The following CBFA2T3 variants were observed in gnomAD, a reference collection of about 807,000 sequenced individuals.
CBFA2T3 encodes CBFA2/RUNX1 partner transcriptional co-repressor 3.
A neutral mutation model predicts 58.6 loss-of-function variants in CBFA2T3; 31 were observed. That is an observed-to-expected ratio of 0.53 (90% CI 0.40 to 0.71). CBFA2T3 has a LOEUF of 0.71. CBFA2T3 is among the 30% of genes least tolerant of loss of function. The probability of loss-of-function intolerance (pLI) is 0.00; values close to 1 mark genes in which losing one functional copy is unlikely to be tolerated. For missense variants in CBFA2T3, 1,076 were observed against 963.1 expected (o/e 1.12, Z -1.55); for synonymous variants, 531 against 421.9 (o/e 1.26, Z -3.17).
At chr16:88,906,975 C>G (rs1970360406) in intron 1 of CBFA2T3, among the ~76,000 whole-genome samples, 1 of 150,146 alleles carries the variant, frequency 6.7e-6, no homozygotes, top group Non-Finnish European at 1.5e-5. Flanking sequence ...GGGTGGGTGG[C>G]CCGTCACCAT....
chr16:88,899,858 TGCAAATTTAACACA>T (rs1346916667), intron 2 of CBFA2T3, among the ~76,000 whole-genome samples: 9 of 152,096 alleles, frequency 5.9e-5, no homozygotes, highest in Admixed American at 4.6e-4. Context: ...TGGGGTATAC[TGCAAATTTAACACA>T]GCAGCGGTCT....
chr16:88,963,448 C>T (rs551595549), intron 1 of CBFA2T3, among the ~76,000 whole-genome samples: 1 of 151,856 alleles, frequency 6.6e-6, no homozygotes, highest in African/African-American at 2.4e-5. Context: ...GTATTTAGTA[C>T]ACTGACAACG....
At position 88,874,957 on chromosome 16, in the gene CBFA2T3, C is replaced by A. The variant is rs1231878668; in HGVS notation, c.*2019G>T. ...CTATATACATTCACATTAACGTACA[C>A]GCTCAGCTTCAGGCCTCTGGCGGGC... On this transcript the variant is annotated 3_prime_UTR_variant, in exon 12 of 12. Coordinates refer to ENST00000268679, the MANE Select transcript of CBFA2T3 (RefSeq NM_005187.6). 4.3e-6 allele frequency: 1 copy of A among 233,314 alleles called. No individual in the cohort carries two copies. The highest frequency in any genetic ancestry group is 8.5e-6 in the Non-Finnish European group (1 of 117,864). 14.5% of individuals were successfully genotyped at this position (233,314 alleles called of 1,614,324 possible). A position where few individuals can be genotyped will look rare whatever the true frequency, so the allele number is the denominator to read the frequency against.
intron 10 of CBFA2T3, 36 bp from the exon 11 acceptor site, chr16:88,879,496 G>A (rs780258979): frequency 1.3e-6 from 2 of 1,586,962 alleles, no homozygotes; most frequent in East Asian, 4.5e-5. Flanking sequence ...CGGTCACATG[G>A]GCCATCCCAG....
intron 1 of CBFA2T3, among the ~76,000 whole-genome samples, chr16:88,956,358 G>A (rs973225131): frequency 3.9e-5 from 6 of 152,246 alleles, no homozygotes; most frequent in African/African-American, 7.2e-5. Context: ...CCGGGTCCCC[G>A]GGACACAGCG....
At chr16:88,897,361 T>TGCTGCCAG (rs769034530) in intron 3 of CBFA2T3, among the ~76,000 whole-genome samples, 22 of 152,246 alleles carry the variant, frequency 1.4e-4, no homozygotes, top group Non-Finnish European at 2.5e-4. Flanking sequence ...ACCTGGGCCA[T>TGCTGCCAG]GCTGCCAGGC....
intron 3 of CBFA2T3, 128 bp from the exon 4 acceptor site, chr16:88,892,613 C>A (rs1360671087): frequency 1.8e-6 from 2 of 1,108,758 alleles, no homozygotes; most frequent in Middle Eastern, 2.1e-4. Flanking sequence ...TGATGAGACA[C>A]AAGGACAGTA....
chr16:88,888,357 C>T (rs931852767), intron 5 of CBFA2T3, among the ~76,000 whole-genome samples: 1 of 144,928 alleles, frequency 6.9e-6, no homozygotes, highest in Non-Finnish European at 1.5e-5. Context: ...CACCGAGGCC[C>T]AAGGGGACTG....
chr16:88,967,425 G>A (rs1032272717), intron 1 of CBFA2T3, among the ~76,000 whole-genome samples: 5 of 152,160 alleles, frequency 3.3e-5, no homozygotes, highest in Non-Finnish European at 7.4e-5. Context: ...GTGCTGCCAT[G>A]CGTCCACCTG....
chr16:88,934,721 C>A (rs930111064), intron 1 of CBFA2T3, among the ~76,000 whole-genome samples: 1 of 152,238 alleles, frequency 6.6e-6, no homozygotes, highest in Non-Finnish European at 1.5e-5. Context: ...CCCTCTTCCA[C>A]CCCCGAAGTT....
chr16:88,890,802 G>A (rs145362396), intron 5 of CBFA2T3, among the ~76,000 whole-genome samples: 2,174 of 152,214 alleles, frequency 0.014, 20 homozygotes, highest in East Asian at 0.022. Flanking sequence ...CTGCAGTCTC[G>A]ACCTCCTGGA....
chr16:88,933,804 A>G (rs1485958018), intron 1 of CBFA2T3, among the ~76,000 whole-genome samples: 5 of 152,138 alleles, frequency 3.3e-5, no homozygotes, highest in Non-Finnish European at 7.3e-5. Context: ...CATAGTGGCC[A>G]CTTCATGCCA....
Position 88,969,054 on chromosome 16 carries a change from G to A in CBFA2T3, c.151+7603C>T, listed in dbSNP as rs116050824. Among the ~76,000 whole-genome samples the A allele has an allele frequency of 8.6e-3, 1,314 of 152,272 alleles. 15 individuals carry two copies. Among genetic ancestry groups the A allele is most frequent in the African/African-American group, 0.029 (1,194 of 41,564 alleles). Reference sequence around the variant, plus strand: ...CCCCAGTGTGCGGCCTGGTGCCCCCGTTTTGAGGAATCCCCCATCCTCTCG... The same window carrying A: ...CCCCAGTGTGCGGCCTGGTGCCCCCATTTTGAGGAATCCCCCATCCTCTCG... On this transcript the variant is annotated intron_variant, in intron 1 of 11. Transcript: ENST00000268679.
At chr16:88,909,566 G>A (rs1028992471) in intron 1 of CBFA2T3, among the ~76,000 whole-genome samples, 1 of 152,028 alleles carries the variant, frequency 6.6e-6, no homozygotes, top group Non-Finnish European at 1.5e-5. Flanking sequence ...ACTGCAACCC[G>A]GGTGACCATC....
At chr16:88,974,359 G>A (rs184751319) in intron 1 of CBFA2T3, among the ~76,000 whole-genome samples, 51 of 152,160 alleles carry the variant, frequency 3.4e-4, no homozygotes, top group African/African-American at 1.0e-3. Context: ...CAGACCCTCC[G>A]CGTGAGGGGG....
At position 88,895,729 on chromosome 16, in the gene CBFA2T3, G is replaced by C. The variant is rs535532425; in HGVS notation, c.379+2349C>G. ...CTGCAGGGGCTGTGGGAGGCCAGGAGGGCGGGGGATGCTACAGAGGCCCTC... is the reference window on the plus strand; with the variant it reads ...CTGCAGGGGCTGTGGGAGGCCAGGACGGCGGGGGATGCTACAGAGGCCCTC... On this transcript the variant is annotated intron_variant, in intron 3 of 11. Transcript: ENST00000268679. Among the ~76,000 whole-genome samples, 13 of 152,352 alleles carry C rather than the reference G, an allele frequency of 8.5e-5. No homozygotes were observed. In the East Asian group the frequency reaches 2.5e-3, roughly 29 times the overall value.
At chr16:88,906,215 G>C (rs1970327739) in intron 1 of CBFA2T3, among the ~76,000 whole-genome samples, 1 of 152,152 alleles carries the variant, frequency 6.6e-6, no homozygotes, top group Non-Finnish European at 1.5e-5. Flanking sequence ...TCCAGGCTAA[G>C]ACACCGCTAG....
chr16:88,941,690 C>G (rs1294231119), intron 1 of CBFA2T3: 1 of 148,674 alleles, frequency 6.7e-6, no homozygotes, highest in African/African-American at 2.5e-5. Context: ...GGGGTGCGGG[C>G]GCCGTGGAGG....
At chr16:88,918,949 A>C (rs7193697) in intron 1 of CBFA2T3, among the ~76,000 whole-genome samples, 5,980 of 152,270 alleles carry the variant, frequency 0.039, 246 homozygotes, top group African/African-American at 0.1. Flanking sequence ...TTAGAAGCAA[A>C]ATTTATTCAA....
Sources: gnomAD v4.1 joint callset for allele counts (sites outside exome capture counted in the v4.1 genomes callset) on GRCh38, gnomAD v4.1.1 for gene constraint, MANE v1.5 for transcripts, NCBI Gene and HGNC (gene_info 2026-07-23, HGNC 2026-07-21) for gene names.